Variants in LRRC37A observed in about 807,000 individuals in gnomAD.
LRRC37A encodes the protein leucine-rich repeat-containing protein 37A.
Under a neutral mutation model 35.4 loss-of-function variants are expected in LRRC37A, and 3 were observed. The observed-to-expected ratio is 0.08, with a 90% confidence interval of 0.04 to 0.22. The LOEUF (loss-of-function observed/expected upper bound fraction) is 0.22. LRRC37A is among the 10% of genes least tolerant of loss of function. The pLI, the probability that LRRC37A is intolerant of heterozygous loss-of-function variation, is 1.00. For missense variants in LRRC37A, 67 were observed against 565.3 expected, an observed-to-expected ratio of 0.12 and a Z score of 8.94; for synonymous variants, 23 against 215.0, an observed-to-expected ratio of 0.11 and a Z score of 7.81.
chr17:46,263,290 G>A, the LRRC37A span, among the ~76,000 whole-genome samples: 5 of 152,074 alleles, frequency 3.3e-5, no homozygotes, highest in East Asian at 3.9e-4. Context: ...AGTGGCTCAC[G>A]CCTGTAATCC....
chr17:46,324,983 G>A lies in LRRC37A; in HGVS notation c.3053+1956G>A, dbSNP rs2051652214. 2.6e-5 allele frequency among the ~76,000 whole-genome samples: 2 copies of A among 78,240 alleles called. 1 individual carries two copies. Among genetic ancestry groups the A allele is most frequent in the South Asian group, 1.1e-3 (2 of 1,824 alleles). The allele number at this position is 78,240 out of a possible 152,430, so 51.3% of individuals were successfully genotyped here. On this transcript the variant is annotated intron_variant, in intron 7 of 13. Transcript: ENST00000320254. ...ATATGGCAAGCTAAATAGAGACTCAGTTATGCTAGGGCTGGTTGAGGGAAT... is the reference window on the plus strand; with the variant it reads ...ATATGGCAAGCTAAATAGAGACTCAATTATGCTAGGGCTGGTTGAGGGAAT...
At chr17:46,262,893 T>A in the LRRC37A span, among the ~76,000 whole-genome samples, 1 of 152,080 alleles carries the variant, frequency 6.6e-6, no homozygotes, top group East Asian at 1.9e-4. Context: ...CAGCAGCTGA[T>A]GTACAAGTTC....
At chr17:46,311,623 A>T (rs1319217565) in intron 5 of LRRC37A, among the ~76,000 whole-genome samples, 1 of 94,132 alleles carries the variant, frequency 1.1e-5, no homozygotes, top group African/African-American at 3.3e-5. Flanking sequence ...AAAAAAAAAA[A>T]CAGGCAAGAA....
In LRRC37A at chr17:46,304,626, T is replaced by C. The variant is rs2050451294; in HGVS notation, c.2754-883T>C. On this transcript the variant is annotated intron_variant, in intron 3 of 13. Coordinates refer to ENST00000320254, the Ensembl canonical transcript of LRRC37A. ...GGGAGGGACAAACTCCATCACTGTATAACTGAAGAAATTTTTTTTTATGAA... is the reference window on the plus strand; with the variant it reads ...GGGAGGGACAAACTCCATCACTGTACAACTGAAGAAATTTTTTTTTATGAA... Among the ~76,000 whole-genome samples, 2 of 70,164 alleles carry C rather than the reference T, an allele frequency of 2.9e-5. 1 individual carries two copies. The highest frequency in any genetic ancestry group is 8.6e-5 in the Non-Finnish European group (2 of 23,310). 46.0% of individuals were successfully genotyped at this position (70,164 alleles called of 152,430 possible).
rs768779177 is a variant in LRRC37A, at chr17:46,330,944, C to T, written c.3667C>T (p.Pro1223Ser). ...GGAACAGCCCCACACACAGCAGGGGCCTGAGAAGTTAGCGGGAAACGCCGT... is the reference window on the plus strand; with the variant it reads ...GGAACAGCCCCACACACAGCAGGGGTCTGAGAAGTTAGCGGGAAACGCCGT... The change falls in exon 9 of 14, where the codon CCT becomes TCT. Residue 1223 changes from proline to serine, a missense_variant. By Grantham distance (74) the Pro-to-Ser change is moderately conservative (BLOSUM62 -1). Coordinates refer to ENST00000320254, the Ensembl canonical transcript of LRRC37A. The T allele has an allele frequency of 1.4e-5, 10 of 724,806 alleles. No homozygotes were observed. In the South Asian group the frequency reaches 2.8e-4, roughly 20 times the overall value. The allele number at this position is 724,806 out of a possible 1,614,324, so 44.9% of individuals were successfully genotyped here.
the LRRC37A span, among the ~76,000 whole-genome samples, chr17:46,277,111 GTTTA>G: frequency 6.6e-6 from 1 of 152,172 alleles, no homozygotes; most frequent in Non-Finnish European, 1.5e-5. Flanking sequence ...AGCCTAATTT[GTTTA>G]TTTAAGCAGA....
the LRRC37A span, among the ~76,000 whole-genome samples, chr17:46,249,314 A>C: frequency 1.7e-4 from 26 of 152,302 alleles, no homozygotes; most frequent in African/African-American, 6.0e-4. Flanking sequence ...GAAGTGCTTG[A>C]AGCTGGGAGG....
chr17:46,281,558 T>A, the LRRC37A span, among the ~76,000 whole-genome samples: 4 of 152,166 alleles, frequency 2.6e-5, no homozygotes, highest in Non-Finnish European at 5.9e-5. Flanking sequence ...GCCTCCTGAG[T>A]AGCTAGGACT....
rs1664923731 is a variant in LRRC37A at position 46,324,967 on chromosome 17, G to A, written c.3053+1940G>A. 2.6e-5 allele frequency among the ~76,000 whole-genome samples: 2 copies of A among 78,206 alleles called. 1 individual carries two copies. Among genetic ancestry groups the A allele is most frequent in the African/African-American group, 6.7e-5 (2 of 29,920 alleles). 51.3% of individuals were successfully genotyped at this position (78,206 alleles called of 152,430 possible). A position where few individuals can be genotyped will look rare whatever the true frequency, so the allele number is the denominator to read the frequency against. On this transcript the variant is annotated intron_variant, in intron 7 of 13. Transcript: ENST00000320254. ...GCCACCAGCCCCCACAATATGGCAA[G>A]CTAAATAGAGACTCAGTTATGCTAG... is the stretch of plus-strand genomic sequence containing the variant.
the LRRC37A span, among the ~76,000 whole-genome samples, chr17:46,270,073 T>C: frequency 2.6e-5 from 4 of 152,334 alleles, no homozygotes; most frequent in South Asian, 8.3e-4. Flanking sequence ...TACTTCAGTT[T>C]ATAAGAAGTA....
chr17:46,281,981 A>C, the LRRC37A span, among the ~76,000 whole-genome samples: 1 of 152,196 alleles, frequency 6.6e-6, no homozygotes, highest in Middle Eastern at 3.4e-3. Context: ...TTTTTGGTCT[A>C]TAACCTGCTG....
chr17:46,275,749 G>GT, the LRRC37A span, among the ~76,000 whole-genome samples: 1 of 152,234 alleles, frequency 6.6e-6, no homozygotes, highest in Non-Finnish European at 1.5e-5. Flanking sequence ...AGGTGCGTGT[G>GT]TGTGTGTATG....
In LRRC37A at chr17:46,323,927, T is replaced by TA. The variant is rs1381793804; in HGVS notation, c.3053+901dup. 4.0e-5 allele frequency among the ~76,000 whole-genome samples: 4 copies of TA among 99,646 alleles called. 1 individual carries two copies. Among genetic ancestry groups the TA allele is most frequent in the Admixed American group, 2.0e-4 (2 of 9,952 alleles). 65.4% of individuals were successfully genotyped at this position (99,646 alleles called of 152,430 possible). ...TACCATTTACACTGTATTAGGTACTTAGAGTATACCTGAGGCTGTATACAA... is the reference window on the plus strand; with the variant it reads ...TACCATTTACACTGTATTAGGTACTTAAGAGTATACCTGAGGCTGTATACAA... On this transcript the variant is annotated intron_variant, in intron 7 of 13. Transcript: ENST00000320254.
the LRRC37A span, among the ~76,000 whole-genome samples, chr17:46,253,708 A>AGCTTCGGCTTG: frequency 3.6e-5 from 5 of 138,476 alleles, no homozygotes; most frequent in Non-Finnish European, 7.9e-5. Flanking sequence ...AGTACAGTCC[A>AGCTTCGGCTTG]GCATCAGAGG....
At chr17:46,260,283 G>A in the LRRC37A span, 2 of 1,508,404 alleles carry the variant, frequency 1.3e-6, no homozygotes, top group South Asian at 2.5e-5. Flanking sequence ...GGCGATGGCG[G>A]CCTGCGCGCC....
the LRRC37A span, among the ~76,000 whole-genome samples, chr17:46,248,509 T>C: frequency 6.6e-6 from 1 of 152,074 alleles, no homozygotes; most frequent in Admixed American, 6.5e-5. Flanking sequence ...TGTATTTGAC[T>C]TCTTTCACTT....
chr17:46,260,617 TCTC>T, the LRRC37A span: 7 of 1,282,136 alleles, frequency 5.5e-6, no homozygotes, highest in East Asian at 2.6e-5. Context: ...GGCTCTCTAT[TCTC>T]TTTTTTTTTT....
At chr17:46,254,395 G>A in the LRRC37A span, among the ~76,000 whole-genome samples, 4 of 151,284 alleles carry the variant, frequency 2.6e-5, no homozygotes, top group Non-Finnish European at 5.9e-5. Context: ...GCCATTTATT[G>A]TATTTATTTA....
upstream of LRRC37A, among the ~76,000 whole-genome samples, chr17:46,288,711 T>C (rs1333564917): frequency 6.6e-6 from 1 of 151,746 alleles, no homozygotes; most frequent in Non-Finnish European, 1.5e-5. Flanking sequence ...TTTTTCTTTT[T>C]TTTTTTTTTT....
Sources: allele counts gnomAD v4.1 joint callset (sites outside exome capture counted in the v4.1 genomes callset), GRCh38; gene constraint gnomAD v4.1.1; transcripts MANE v1.5; gene names NCBI Gene and HGNC (gene_info 2026-07-23, HGNC 2026-07-21).